The following IQSEC1 variants were observed in gnomAD, a reference collection of about 807,000 sequenced individuals.
IQSEC1 encodes the protein IQ motif and SEC7 domain-containing protein 1.
Under a neutral mutation model 91.0 loss-of-function variants are expected in IQSEC1, and 31 were observed. The ratio of observed to expected loss-of-function variants is 0.34; its 90% CI spans 0.26 to 0.46. The LOEUF (loss-of-function observed/expected upper bound fraction) is 0.46, where lower values mean the gene tolerates loss of function less well. Ranked by LOEUF, IQSEC1 falls within the 20% of genes least tolerant of loss-of-function variation. The pLI is 1.00. For synonymous variants in IQSEC1, 699 were observed against 662.6 expected (o/e 1.05, Z -0.84); for missense variants, 1,388 against 1,575.6 (o/e 0.88, Z 2.02).
chr3:12,948,525 G>C (rs540334846), intron 1 of IQSEC1, among the ~76,000 whole-genome samples: 1 of 152,218 alleles, frequency 6.6e-6, no homozygotes, highest in Admixed American at 6.5e-5. Context: ...TGGATGCCAC[G>C]TCCCGACTCG....
chr3:13,113,637 C>T (rs1205901318), intron 2 of IQSEC1, among the ~76,000 whole-genome samples: 3 of 152,230 alleles, frequency 2.0e-5, no homozygotes, highest in Middle Eastern at 6.8e-3. Flanking sequence ...GTGCATGCGG[C>T]GGTGGGAATG....
intron 1 of IQSEC1, among the ~76,000 whole-genome samples, chr3:13,239,469 G>A (rs1295583756): frequency 6.6e-6 from 1 of 152,272 alleles, no homozygotes; most frequent in South Asian, 2.1e-4. Context: ...GGACACAGGA[G>A]ACAGAAAGAC....
At position 12,897,828 on chromosome 3, in the gene IQSEC1, G is replaced by A. The variant is rs1424250936; in HGVS notation, c.*3155C>T. 1 of 152,174 alleles carries A rather than the reference G, an allele frequency of 6.6e-6. No homozygotes were observed. Among genetic ancestry groups the A allele is most frequent in the East Asian group, 1.9e-4 (1 of 5,196 alleles). 9.4% of individuals were successfully genotyped at this position (152,174 alleles called of 1,614,324 possible). ...GCTCCTGCTGCATGCAGTGTGTGAG[G>A]GAAAGATCACTGCACTGGGTGCTGA... is the stretch of plus-strand genomic sequence containing the variant. On this transcript the variant is annotated 3_prime_UTR_variant, in exon 14 of 14. Coordinates refer to ENST00000613206, the MANE Select transcript of IQSEC1 (RefSeq NM_001134382.3).
chr3:13,263,605 A>G (rs530808856), intron 1 of IQSEC1, among the ~76,000 whole-genome samples: 1 of 152,082 alleles, frequency 6.6e-6, no homozygotes, highest in South Asian at 2.1e-4. Context: ...ACCACGCCCG[A>G]CTAATTTTTT....
intron 1 of IQSEC1, among the ~76,000 whole-genome samples, chr3:13,200,052 A>G (rs1694212354): frequency 7.3e-6 from 1 of 136,632 alleles, no homozygotes; most frequent in South Asian, 2.5e-4. Flanking sequence ...CTACACACGC[A>G]CACACACCAC....
intron 2 of IQSEC1, among the ~76,000 whole-genome samples, chr3:13,113,599 G>A (rs1706287215): frequency 6.6e-6 from 1 of 152,144 alleles, no homozygotes; most frequent in South Asian, 2.1e-4. Context: ...AGAAGACGAG[G>A]CCTCCACCCT....
At chr3:13,231,002 C>T (rs890003077) in intron 1 of IQSEC1, among the ~76,000 whole-genome samples, 7 of 152,190 alleles carry the variant, frequency 4.6e-5, no homozygotes, top group South Asian at 4.1e-4. Flanking sequence ...TTCTTTGGGG[C>T]ACTGTCCCCT....
rs146045347 is a variant in IQSEC1, at chr3:13,117,485, C to T, written c.302+46619G>A. Among the ~76,000 whole-genome samples, 541 of 143,578 alleles carry T rather than the reference C, an allele frequency of 3.8e-3. 1 individual carries two copies. The highest frequency in any genetic ancestry group is 0.012 in the African/African-American group (463 of 38,118). The allele number at this position is 143,578 out of a possible 152,430, so 94.2% of individuals were successfully genotyped here. On this transcript the variant is annotated intron_variant, in intron 2 of 15. Transcript: ENST00000648114. ...ACCAGGGAGCCTGAGGCAGGGGAAT[C>T]GCATGAACCCGGGAGGCAGAGGTTG...
chr3:13,131,519 C>T (rs1216232841), intron 2 of IQSEC1, among the ~76,000 whole-genome samples: 2 of 108,804 alleles, frequency 1.8e-5, no homozygotes, highest in Non-Finnish European at 3.5e-5. Context: ...CTGAGCCTCA[C>T]TTTGTCACCC....
At position 12,992,401 on chromosome 3, in the gene IQSEC1, C is replaced by G. The variant is rs186293601; in HGVS notation, c.24-50536G>C. 6.6e-6 allele frequency among the ~76,000 whole-genome samples: 1 copy of G among 152,276 alleles called. No homozygotes were observed. The highest frequency in any genetic ancestry group is 6.5e-5 in the Admixed American group (1 of 15,310). ...CAATTTCTCTTCTTTCCCCTTAAAT[C>G]TGGTTTCTGGGCTCTAATTGCACAT... On this transcript the variant is annotated intron_variant, in intron 1 of 13. Coordinates refer to ENST00000613206, the MANE Select transcript of IQSEC1 (RefSeq NM_001134382.3). The surrounding 1 kb of genome is among the most constrained non-coding windows in gnomAD (Gnocchi z 4.1).
intron 10 of IQSEC1, among the ~76,000 whole-genome samples, chr3:12,910,440 T>C (rs1054537105): frequency 6.6e-6 from 1 of 152,192 alleles, no homozygotes; most frequent in Non-Finnish European, 1.5e-5. Context: ...GTTCCCACCC[T>C]AGCCCTGGGC....
At chr3:13,281,137 C>G (rs1036663714) in intron 1 of IQSEC1, among the ~76,000 whole-genome samples, 3 of 152,224 alleles carry the variant, frequency 2.0e-5, no homozygotes, top group Non-Finnish European at 2.9e-5. Context: ...AAAGCAGGGA[C>G]TTGGGACCTG....
rs1695202966 is a variant in IQSEC1, at chr3:12,908,296, C to T, written c.2755+53G>A. 6.3e-7 allele frequency: 1 copy of T among 1,583,652 alleles called. No individual in the cohort carries two copies. The highest frequency in any genetic ancestry group is 1.7e-5 in the Admixed American group (1 of 58,928). On this transcript the variant is annotated intron_variant, in intron 12 of 13. Coordinates refer to ENST00000613206, the MANE Select transcript of IQSEC1 (RefSeq NM_001134382.3). This position sits in a 1 kb window ranked among gnomAD's most constrained non-coding sequence, Gnocchi z 4.9. ...GCATGCCCTGAATGCAGACGCCCTG[C>T]CTCGGTCTTGCATGCGCTGGGCTAG...
chr3:13,080,354 T>C (rs1291228465), intron 2 of IQSEC1, among the ~76,000 whole-genome samples: 1 of 149,348 alleles, frequency 6.7e-6, no homozygotes, highest in East Asian at 2.0e-4. Flanking sequence ...AGAGGAGAGA[T>C]GGGGTGGGGA....
intron 1 of IQSEC1, among the ~76,000 whole-genome samples, chr3:13,177,326 T>C (rs1163871454): frequency 3.9e-5 from 6 of 152,328 alleles, no homozygotes; most frequent in African/African-American, 1.2e-4. Flanking sequence ...CAGCAAGAAT[T>C]CCTGCCCTGC....
intron 4 of IQSEC1, among the ~76,000 whole-genome samples, chr3:12,923,123 G>A (rs1332537847): frequency 6.6e-6 from 1 of 152,178 alleles, no homozygotes; most frequent in Non-Finnish European, 1.5e-5. Context: ...AGGGCAAGCA[G>A]GGAGCAGGCA....
intron 1 of IQSEC1, among the ~76,000 whole-genome samples, chr3:13,064,054 C>T (rs1167073644): frequency 1.3e-5 from 2 of 151,978 alleles, no homozygotes; most frequent in Non-Finnish European, 2.9e-5. Context: ...ACATCGTTTC[C>T]CCCAATGGTA....
chr3:13,038,262 GTATATATATATA>G (rs58338571), intron 1 of IQSEC1, among the ~76,000 whole-genome samples: 11,030 of 101,304 alleles, frequency 0.11, 772 homozygotes, highest in East Asian at 0.32. Flanking sequence ...GTGTGTGTGT[GTATATATATATA>G]TATATATATA....
At chr3:13,022,179 G>C (rs995648787) in intron 1 of IQSEC1, 1 of 1,231,366 alleles carries the variant, frequency 8.1e-7, no homozygotes. Flanking sequence ...CCTGGCCAGG[G>C]AACGGCTCTC....
Sources: allele counts gnomAD v4.1 joint callset (sites outside exome capture counted in the v4.1 genomes callset), GRCh38; gene constraint gnomAD v4.1.1; non-coding constraint Gnocchi (gnomAD v3.1); transcripts MANE v1.5; gene names NCBI Gene and HGNC (gene_info 2026-07-23, HGNC 2026-07-21).